LRBA: variants seen among roughly 807,000 people sequenced by gnomAD.
LRBA encodes the protein lipopolysaccharide-responsive and beige-like anchor protein.
A neutral mutation model predicts 330.0 loss-of-function variants in LRBA; 176 were observed. The observed-to-expected ratio is 0.53, with a 90% CI of 0.47 to 0.60. LRBA has a LOEUF of 0.60. Among genes scored for constraint, LRBA ranks in the 20% least tolerant of loss-of-function variants. LRBA has a pLI of 0.00. For synonymous variants in LRBA, 1,230 were observed against 1,193.0 expected (o/e 1.03, Z -0.64); for missense variants, 3,259 against 3,444.8 (o/e 0.95, Z 1.35).
intron 48 of LRBA, among the ~76,000 whole-genome samples, chr4:150,346,244 T>C (rs1387871668): frequency 1.3e-5 from 2 of 151,904 alleles, no homozygotes; most frequent in Non-Finnish European, 2.9e-5. Context: ...TCACAGGCCA[T>C]GTTTAATAAA....
At chr4:150,863,718 C>T (rs1371487783) in intron 22 of LRBA, among the ~76,000 whole-genome samples, 5 of 152,106 alleles carry the variant, frequency 3.3e-5, no homozygotes, top group African/African-American at 1.2e-4. Flanking sequence ...TCTCCAAAGT[C>T]CACATTCTTT....
At position 150,457,784 on chromosome 4, in the gene LRBA, C is replaced by G. The variant is rs1005149036; in HGVS notation, c.6780+9889G>C. On this transcript the variant is annotated intron_variant, in intron 44 of 56. Coordinates refer to ENST00000651943, the MANE Select transcript of LRBA (RefSeq NM_001364905.1). ...CACAGTAGATATTCCCTACTCTAAA[C>G]CTACCTCAGTTTGTACACCCAGCAC... Among the ~76,000 whole-genome samples, 5 of 151,982 alleles carry G rather than the reference C, an allele frequency of 3.3e-5. No homozygotes were observed. In the East Asian group the frequency reaches 9.7e-4, roughly 29 times the overall value.
chr4:150,586,324 T>G (rs1293530528), intron 40 of LRBA, among the ~76,000 whole-genome samples: 2 of 152,274 alleles, frequency 1.3e-5, no homozygotes, highest in East Asian at 1.9e-4. Flanking sequence ...AAAAAAGTTT[T>G]TAAGTCTTGA....
chr4:150,447,541 A>G (rs1561191880), intron 44 of LRBA, among the ~76,000 whole-genome samples: 3 of 152,132 alleles, frequency 2.0e-5, no homozygotes, highest in Admixed American at 2.0e-4. Context: ...GAATTACACC[A>G]CCAGCTTTCC....
At chr4:150,341,307 G>A (rs13132429) in intron 48 of LRBA, among the ~76,000 whole-genome samples, 113,434 of 151,920 alleles carry the variant, frequency 0.75, 44,419 homozygotes, top group Non-Finnish European at 0.89. Context: ...AACTACAGGC[G>A]CATACCACCA....
chr4:150,772,276 T>C (rs1199410684), intron 34 of LRBA, among the ~76,000 whole-genome samples: 2 of 152,148 alleles, frequency 1.3e-5, no homozygotes, highest in Non-Finnish European at 2.9e-5. Flanking sequence ...GAACAATCTA[T>C]ACACCAGGCC....
chr4:150,346,783 A>AAAAAAAAAAAAAAAAAAAAC (rs1736408222), intron 48 of LRBA, among the ~76,000 whole-genome samples: 13 of 133,470 alleles, frequency 9.7e-5, no homozygotes, highest in African/African-American at 3.4e-4. Flanking sequence ...AAAAAAAAAA[A>AAAAAAAAAAAAAAAAAAAAC]AAAACACTTA....
rs768008206 is a variant in LRBA at position 150,908,283 on chromosome 4, T to A, written c.1493+51A>T. ...GGCAAAATATTGTATAGCTCAACAG[T>A]GATGAAATTAACCCTCACAGCCAAT... On this transcript the variant is annotated intron_variant, in intron 11 of 56. Coordinates refer to ENST00000651943, the MANE Select transcript of LRBA (RefSeq NM_001364905.1). 4.4e-6 allele frequency: 7 copies of A among 1,573,354 alleles called. No individual in the cohort carries two copies. In the East Asian group the frequency reaches 1.6e-4, roughly 36 times the overall value.
chr4:150,870,018 C>T (rs980125790), intron 20 of LRBA, among the ~76,000 whole-genome samples: 3 of 152,040 alleles, frequency 2.0e-5, no homozygotes, highest in African/African-American at 7.2e-5. Flanking sequence ...ACTCTACAAA[C>T]TAATAATTTT....
chr4:150,523,974 T>C (rs1364726990), intron 40 of LRBA, among the ~76,000 whole-genome samples: 8 of 152,208 alleles, frequency 5.3e-5, no homozygotes, highest in African/African-American at 1.9e-4. Context: ...GTGTTAGACA[T>C]TATGGACTAA....
Position 150,928,997 on chromosome 4 carries a change from C to T in LRBA, c.285G>A (p.Met95Ile). The change falls in exon 3 of 57, where the codon ATG becomes ATA. Residue 95 changes from methionine (M) to isoleucine (I), a missense_variant. Coordinates refer to ENST00000651943, the MANE Select transcript of LRBA (RefSeq NM_001364905.1). ...IIQEGESINC[M>I]VDLLEKCDIT... is the part of the protein sequence containing the mutation. Reference sequence around the variant, plus strand: ...TGTCACATTTTTCCAGTAGGTCCACCATGCAGTTAATACTCTCACCTTCTT... The same window carrying T: ...TGTCACATTTTTCCAGTAGGTCCACTATGCAGTTAATACTCTCACCTTCTT... 1 of 1,613,626 alleles carries T rather than the reference C, an allele frequency of 6.2e-7. No individual in the cohort carries two copies. The highest frequency in any genetic ancestry group is 1.3e-5 in the African/African-American group (1 of 74,882).
intron 23 of LRBA, 22 bp from the exon 24 acceptor site, chr4:150,850,924 T>C: frequency 6.4e-7 from 1 of 1,570,874 alleles, no homozygotes; most frequent in Non-Finnish European, 8.7e-7. Context: ...ATTTAAAAAG[T>C]AATAAAATAG....
chr4:150,667,604 G>A (rs1781681801), intron 37 of LRBA, among the ~76,000 whole-genome samples: 1 of 152,140 alleles, frequency 6.6e-6, no homozygotes, highest in South Asian at 2.1e-4. Context: ...ACAATATTAG[G>A]AGGTAGGGTC....
chr4:150,945,330 A>T (rs1736126592), intron 2 of LRBA, among the ~76,000 whole-genome samples: 1 of 152,232 alleles, frequency 6.6e-6, no homozygotes, highest in South Asian at 2.1e-4. Context: ...CAATAGAGAG[A>T]TACTTATAAC....
chr4:150,543,141 C>G (rs1765497624), intron 40 of LRBA, among the ~76,000 whole-genome samples: 1 of 152,170 alleles, frequency 6.6e-6, no homozygotes, highest in African/African-American at 2.4e-5. Context: ...CTCTTTCCCC[C>G]AATTAACGAT....
At chr4:150,636,267 A>T (rs189643791) in intron 37 of LRBA, among the ~76,000 whole-genome samples, 1 of 151,456 alleles carries the variant, frequency 6.6e-6, no homozygotes. Flanking sequence ...TCTTCATCAA[A>T]CTTTCCATTT....
intron 2 of LRBA, among the ~76,000 whole-genome samples, chr4:150,954,147 G>C (rs564795239): frequency 2.7e-5 from 4 of 150,290 alleles, no homozygotes; most frequent in Admixed American, 1.3e-4. Context: ...TCGGGGAGGT[G>C]GGGGGCAGCC....
intron 37 of LRBA, among the ~76,000 whole-genome samples, chr4:150,642,035 T>C (rs1778726350): frequency 6.6e-6 from 1 of 152,068 alleles, no homozygotes; most frequent in South Asian, 2.1e-4. Context: ...TTTACAGCAC[T>C]GTCTTATACT....
chr4:150,877,829 T>C lies in LRBA; in HGVS notation c.2166-5074A>G, dbSNP rs556538744. ...CAAAAAATTGAAATCATGCCAACCA[T>C]ATTCTCAGACCACAGTGAAATAAAA... On this transcript the variant is annotated intron_variant, in intron 17 of 56. Coordinates refer to ENST00000651943, the MANE Select transcript of LRBA (RefSeq NM_001364905.1). 3.9e-5 allele frequency among the ~76,000 whole-genome samples: 6 copies of C among 152,298 alleles called. No homozygotes were observed. The South Asian group carries it at 1.2e-3, about 32-fold the overall frequency.
Sources: gnomAD v4.1 joint callset for allele counts (sites outside exome capture counted in the v4.1 genomes callset) on GRCh38, gnomAD v4.1.1 for gene constraint, MANE v1.5 for transcripts, NCBI Gene and HGNC (gene_info 2026-07-23, HGNC 2026-07-21) for gene names.